Variants in SLC9A9 observed in about 807,000 individuals in gnomAD.
The protein encoded by SLC9A9 is solute carrier family 9 member A9, also known as sodium/hydrogen exchanger 9.
SLC9A9 carries 62 observed loss-of-function variants against 77.8 expected under a neutral mutation model. That is an observed-to-expected ratio of 0.80 (90% confidence interval 0.65 to 0.98). The LOEUF (loss-of-function observed/expected upper bound fraction) is 0.98. SLC9A9 is among the 50% of genes least tolerant of loss of function. SLC9A9 has a pLI of 0.00. For missense variants in SLC9A9, 775 were observed against 774.9 expected (o/e 1.00, Z 0.00); for synonymous variants, 320 against 283.5 (o/e 1.13, Z -1.29).
At chr3:143,527,123 T>C (rs2036420708) in intron 9 of SLC9A9, among the ~76,000 whole-genome samples, 1 of 152,224 alleles carries the variant, frequency 6.6e-6, no homozygotes, top group African/African-American at 2.4e-5. Context: ...AGAATAGTGA[T>C]GAGATGATAG....
intron 12 of SLC9A9, among the ~76,000 whole-genome samples, chr3:143,442,508 G>A (rs2034762399): frequency 6.6e-6 from 1 of 152,116 alleles, no homozygotes; most frequent in African/African-American, 2.4e-5. Context: ...GATCACCTGA[G>A]GTAGGAGTTC....
chr3:143,429,883 G>C (rs2034478976), intron 12 of SLC9A9, among the ~76,000 whole-genome samples: 2 of 152,208 alleles, frequency 1.3e-5, no homozygotes, highest in African/African-American at 4.8e-5. Flanking sequence ...TAGACCAGGA[G>C]AGCAAGGAGG....
chr3:143,706,717 A>C (rs1933990240), intron 4 of SLC9A9, among the ~76,000 whole-genome samples: 1 of 152,212 alleles, frequency 6.6e-6, no homozygotes, highest in Non-Finnish European at 1.5e-5. Flanking sequence ...AAGCTTGTCT[A>C]ACCCACAGCC....
chr3:143,746,431 G>A (rs180712227), intron 4 of SLC9A9, among the ~76,000 whole-genome samples: 83 of 152,076 alleles, frequency 5.5e-4, no homozygotes, highest in African/African-American at 1.7e-3. Flanking sequence ...CTGTATTTTC[G>A]TTTACTTAAT....
rs541623009 is a variant in SLC9A9, at chr3:143,559,778, G to T, written c.1001-7328C>A. The stretch of plus-strand genomic sequence containing the variant: ...CTTAGTTTTTTCAAATAAGCTATGA[G>T]GTTTAAAGAGAAACTCCAAAAGTCT... On this transcript the variant is annotated intron_variant, in intron 8 of 15. Transcript: ENST00000316549. Among the ~76,000 whole-genome samples, 171 of 152,176 alleles carry T rather than the reference G, an allele frequency of 1.1e-3. 1 individual carries two copies. The highest frequency in any genetic ancestry group is 2.1e-3 in the Non-Finnish European group (145 of 67,986).
At chr3:143,434,313 C>T (rs1559914218) in intron 12 of SLC9A9, among the ~76,000 whole-genome samples, 1 of 152,032 alleles carries the variant, frequency 6.6e-6, no homozygotes, top group African/African-American at 2.4e-5. Flanking sequence ...GTAACTGCTT[C>T]ATAGATATTT....
chr3:143,724,089 A>T (rs1398151500), intron 4 of SLC9A9, among the ~76,000 whole-genome samples: 2 of 152,146 alleles, frequency 1.3e-5, no homozygotes, highest in African/African-American at 4.8e-5. Flanking sequence ...TCATGTTGAT[A>T]TGGTTTGGCT....
chr3:143,735,258 A>G (rs576843787), intron 4 of SLC9A9, among the ~76,000 whole-genome samples: 1 of 152,362 alleles, frequency 6.6e-6, no homozygotes, highest in South Asian at 2.1e-4. Context: ...TCTGCAATCA[A>G]TAATGTGAAG....
At chr3:143,637,519 C>T (rs973068488) in intron 6 of SLC9A9, among the ~76,000 whole-genome samples, 1 of 152,132 alleles carries the variant, frequency 6.6e-6, no homozygotes, top group African/African-American at 2.4e-5. Context: ...TTTCAAATTT[C>T]AGCTTATCCC....
intron 6 of SLC9A9, among the ~76,000 whole-genome samples, chr3:143,629,990 C>A (rs2038393356): frequency 6.6e-6 from 1 of 151,870 alleles, no homozygotes. Flanking sequence ...GAAAGATAAT[C>A]CAATTATATT....
chr3:143,703,601 T>A (rs1208622962), intron 4 of SLC9A9, among the ~76,000 whole-genome samples: 1 of 151,922 alleles, frequency 6.6e-6, no homozygotes, highest in East Asian at 1.9e-4. Context: ...TAAAAGTGCC[T>A]ATATCAAGGA....
chr3:143,722,493 A>AAG (rs1934531244), intron 4 of SLC9A9, among the ~76,000 whole-genome samples: 1 of 151,104 alleles, frequency 6.6e-6, no homozygotes, highest in Admixed American at 6.6e-5. Context: ...AAAAAAAAAA[A>AAG]AAGTCATCAT....
rs1576464799 is a variant in SLC9A9 at position 143,389,409 on chromosome 3, G to T, written c.1470-7295C>A. Among the ~76,000 whole-genome samples the T allele has an allele frequency of 2.0e-5, 3 of 152,196 alleles. No individual in the cohort carries two copies. The East Asian group carries it at 5.8e-4, about 29-fold the overall frequency. Reference sequence around the variant, plus strand: ...ATATATACATGAAGCGGTGGTGAGGGCCATTGTGCAGGACAGGCTCACTGT... The same window carrying T: ...ATATATACATGAAGCGGTGGTGAGGTCCATTGTGCAGGACAGGCTCACTGT... On this transcript the variant is annotated intron_variant, in intron 12 of 15. Coordinates refer to ENST00000316549, the MANE Select transcript of SLC9A9 (RefSeq NM_173653.4).
At chr3:143,655,252 G>C (rs536883189) in intron 5 of SLC9A9, among the ~76,000 whole-genome samples, 3 of 152,200 alleles carry the variant, frequency 2.0e-5, no homozygotes, top group Non-Finnish European at 4.4e-5. Flanking sequence ...CTCCGCAGGA[G>C]AGAATCTTTG....
intron 6 of SLC9A9, among the ~76,000 whole-genome samples, chr3:143,591,866 T>C (rs142028899): frequency 1.3e-5 from 2 of 152,262 alleles, no homozygotes; most frequent in East Asian, 3.9e-4. Context: ...GAAGACTACA[T>C]AGGCATTGGG....
At chr3:143,704,952 A>G (rs1933918110) in intron 4 of SLC9A9, among the ~76,000 whole-genome samples, 1 of 140,510 alleles carries the variant, frequency 7.1e-6, no homozygotes, top group South Asian at 2.2e-4. Context: ...AGATGGCCCC[A>G]TTGCACTCCA....
At chr3:143,352,106 C>T (rs908339455) in intron 14 of SLC9A9, among the ~76,000 whole-genome samples, 1 of 152,184 alleles carries the variant, frequency 6.6e-6, no homozygotes, top group African/African-American at 2.4e-5. Context: ...GTCAGCCACC[C>T]CTCATGACTG....
intron 5 of SLC9A9, chr3:143,655,673 T>C: frequency 2.2e-6 from 2 of 911,442 alleles, no homozygotes; most frequent in Non-Finnish European, 2.5e-6. Context: ...GAGATGAACA[T>C]GCACATGTAC....
intron 6 of SLC9A9, among the ~76,000 whole-genome samples, chr3:143,593,365 C>T (rs957181214): frequency 2.6e-5 from 4 of 152,134 alleles, no homozygotes; most frequent in Admixed American, 2.0e-4. Flanking sequence ...GATAAGCTAC[C>T]AGCTAGTGGG....
Sources: allele counts gnomAD v4.1 joint callset (sites outside exome capture counted in the v4.1 genomes callset), GRCh38; gene constraint gnomAD v4.1.1; transcripts MANE v1.5; gene names NCBI Gene and HGNC (gene_info 2026-07-23, HGNC 2026-07-21).